The following ARID1B variants were observed in gnomAD, a reference collection of about 807,000 sequenced individuals.
ARID1B encodes AT-rich interaction domain 1B.
Under a neutral mutation model 212.3 loss-of-function variants are expected in ARID1B, and 30 were observed. The observed-to-expected ratio is 0.14, with a 90% CI of 0.11 to 0.19. The LOEUF is 0.19. ARID1B is among the 10% of genes least tolerant of loss of function. The pLI is 1.00. For synonymous variants in ARID1B, 1,402 were observed against 1,301.7 expected (o/e 1.08, Z -1.66); for missense variants, 2,891 against 3,204.0 (o/e 0.90, Z 2.36).
chr6:157,184,561 T>C (rs777991528), intron 13 of ARID1B, 126 bp downstream of exon 13: 12 of 1,101,588 alleles, frequency 1.1e-5, no homozygotes, highest in Non-Finnish European at 1.6e-5. Context: ...GGGGGGTTCC[T>C]GTGTCGTTTT....
chr6:156,913,861 A>T (rs1440442990), intron 3 of ARID1B, among the ~76,000 whole-genome samples: 29 of 131,178 alleles, frequency 2.2e-4, no homozygotes, highest in African/African-American at 7.1e-4. Context: ...ACCCCAGCCC[A>T]TGAGCCACCA....
chr6:156,958,972 C>T (rs1406803050), intron 4 of ARID1B, among the ~76,000 whole-genome samples: 2 of 152,184 alleles, frequency 1.3e-5, no homozygotes, highest in Non-Finnish European at 2.9e-5. Context: ...ATTAACTACT[C>T]ATATGTGCCT....
rs2128376653 is a variant in ARID1B, at chr6:157,201,409, G to A, written c.5184G>A (p.Glu1728=). The change falls in exon 18 of 20, where the codon GAG becomes GAA. Residue 1728 remains glutamate, a synonymous_variant. Transcript: ENST00000636930. The surrounding 1 kb of genome is among the most constrained non-coding windows in gnomAD (Gnocchi z 5.2). The stretch of plus-strand genomic sequence containing the variant: ...CCCAACCACCCCCAATCAGAAGGGA[G>A]ATCACCTTTCCTCCTGGCTCAGTAG... ...PPPQPPPIRR[E]ITFPPGSVEA... 2.5e-6 allele frequency: 4 copies of A among 1,582,942 alleles called. No homozygotes were observed. The highest frequency in any genetic ancestry group is 3.4e-6 in the Non-Finnish European group (4 of 1,161,246).
chr6:157,196,841 C>G (rs1278116313), intron 16 of ARID1B, among the ~76,000 whole-genome samples: 4 of 152,226 alleles, frequency 2.6e-5, no homozygotes, highest in African/African-American at 9.7e-5. Context: ...CTTTAATAAA[C>G]ATCTCTAGAA....
chr6:156,813,104 A>ACACACATACGTATG (rs1781716731), intron 1 of ARID1B, among the ~76,000 whole-genome samples: 3 of 124,802 alleles, frequency 2.4e-5, no homozygotes, highest in Admixed American at 9.6e-5. Context: ...ATACATATAT[A>ACACACATACGTATG]TATATTTTTT....
intron 4 of ARID1B, among the ~76,000 whole-genome samples, chr6:157,042,038 T>C (rs1251510795): frequency 6.6e-6 from 1 of 152,228 alleles, no homozygotes; most frequent in East Asian, 1.9e-4. Flanking sequence ...TGGCCTCGAT[T>C]TCTCAGACTC....
intron 4 of ARID1B, among the ~76,000 whole-genome samples, chr6:156,944,782 C>G (rs1429030586): frequency 6.6e-6 from 1 of 152,092 alleles, no homozygotes; most frequent in Non-Finnish European, 1.5e-5. Context: ...CTTTTTAAAC[C>G]GAGATTGACA....
chr6:156,841,212 C>G (rs988014479), intron 2 of ARID1B, among the ~76,000 whole-genome samples: 1 of 152,184 alleles, frequency 6.6e-6, no homozygotes, highest in African/African-American at 2.4e-5. Context: ...TTTTAGTTCT[C>G]TGTCGCTGAT....
Position 157,094,445 on chromosome 6 carries a change from C to T in ARID1B, c.2491+9540C>T, listed in dbSNP as rs990753717. ...TCTCCACTCACTACAACCTCTACCT[C>T]CCAGGTTCAAGCAATTCTCCTACCT... On this transcript the variant is annotated intron_variant, in intron 5 of 19. Coordinates refer to ENST00000636930, the MANE Select transcript of ARID1B (RefSeq NM_001374828.1). The surrounding 1 kb of genome is among the most constrained non-coding windows in gnomAD (Gnocchi z 4.3). Among the ~76,000 whole-genome samples, 1 of 152,178 alleles carries T rather than the reference C, an allele frequency of 6.6e-6. No homozygotes were observed. The highest frequency in any genetic ancestry group is 2.4e-5 in the African/African-American group (1 of 41,442).
At chr6:157,035,347 T>C (rs1219438132) in intron 4 of ARID1B, among the ~76,000 whole-genome samples, 8 of 152,364 alleles carry the variant, frequency 5.3e-5, no homozygotes, top group East Asian at 3.9e-4. Context: ...TGTCATACGA[T>C]GTTCACAGTA....
At chr6:156,934,434 A>G (rs1791995658) in intron 3 of ARID1B, among the ~76,000 whole-genome samples, 1 of 152,164 alleles carries the variant, frequency 6.6e-6, no homozygotes, top group Non-Finnish European at 1.5e-5. Flanking sequence ...GTGTTTGACA[A>G]GATGCCAGAA....
intron 6 of ARID1B, among the ~76,000 whole-genome samples, chr6:157,129,310 A>C (rs1562642266): frequency 1.3e-5 from 2 of 152,198 alleles, no homozygotes; most frequent in Non-Finnish European, 2.9e-5. Flanking sequence ...CTCCCCTACT[A>C]GATTCAGAGC....
At chr6:156,777,073 C>T (rs1562372339), upstream of ARID1B, 1 of 152,260 alleles carries the variant, frequency 6.6e-6, no homozygotes, top group Non-Finnish European at 1.5e-5. Flanking sequence ...ACTCGTTTTC[C>T]ACCTTTGTAT....
intron 6 of ARID1B, among the ~76,000 whole-genome samples, chr6:157,118,585 A>G (rs966463827): frequency 4.6e-5 from 7 of 152,236 alleles, no homozygotes; most frequent in African/African-American, 1.7e-4. Flanking sequence ...AAAAGAGAAT[A>G]TCTAGACACC....
chr6:156,862,040 A>G (rs1785369327), intron 2 of ARID1B, among the ~76,000 whole-genome samples: 1 of 152,258 alleles, frequency 6.6e-6, no homozygotes, highest in Admixed American at 6.5e-5. Context: ...TCCAGGAGGA[A>G]CAGGTCTAAG....
intron 7 of ARID1B, among the ~76,000 whole-genome samples, chr6:157,140,181 CTT>C (rs373864863): frequency 6.6e-6 from 1 of 151,980 alleles, no homozygotes; most frequent in African/African-American, 2.4e-5. Flanking sequence ...TATTAGAACA[CTT>C]TTTGGGCCAG....
chr6:156,788,956 G>C (rs1779836094), intron 1 of ARID1B, among the ~76,000 whole-genome samples: 2 of 152,108 alleles, frequency 1.3e-5, no homozygotes, highest in South Asian at 4.1e-4. Flanking sequence ...ATAGACTCCT[G>C]GTGTTTTACA....
At chr6:156,930,270 G>C (rs1448782997) in intron 3 of ARID1B, among the ~76,000 whole-genome samples, 1 of 152,086 alleles carries the variant, frequency 6.6e-6, no homozygotes, top group Non-Finnish European at 1.5e-5. Context: ...TAGTGAGTGA[G>C]TTCTCATGAG....
chr6:156,886,833 T>A (rs946487494), intron 2 of ARID1B, among the ~76,000 whole-genome samples: 3 of 152,216 alleles, frequency 2.0e-5, no homozygotes, highest in Non-Finnish European at 4.4e-5. Flanking sequence ...AGCTCATTGA[T>A]CCAGCAATAT....
Sources: gnomAD v4.1 joint callset for allele counts (sites outside exome capture counted in the v4.1 genomes callset) on GRCh38, gnomAD v4.1.1 for gene constraint, Gnocchi (gnomAD v3.1) non-coding constraint, MANE v1.5 for transcripts, NCBI Gene and HGNC (gene_info 2026-07-23, HGNC 2026-07-21) for gene names.